The following DNAJC6 variants were observed in gnomAD, a reference collection of about 807,000 sequenced individuals.
DNAJC6 encodes DnaJ heat shock protein family (Hsp40) member C6.
In DNAJC6, 34 loss-of-function variants were observed where a neutral mutation model predicts 110.0. That is an observed-to-expected ratio of 0.31 (90% confidence interval 0.24 to 0.41). The LOEUF (loss-of-function observed/expected upper bound fraction) is 0.41. DNAJC6 is among the 10% of genes least tolerant of loss of function. DNAJC6 has a pLI of 1.00. For synonymous variants in DNAJC6, 406 were observed against 437.2 expected (o/e 0.93, Z 0.89); for missense variants, 1,031 against 1,207.8 (o/e 0.85, Z 2.17).
At chr1:65,379,762 G>A (rs1645800562) in intron 5 of DNAJC6, 2 of 428,838 alleles carry the variant, frequency 4.7e-6, no homozygotes, top group South Asian at 7.9e-5. Context: ...GGGGACTCTA[G>A]AATGTGCTAA....
At chr1:65,364,583 G>C (rs1422511733) in intron 1 of DNAJC6, 52 bp from the exon 2 acceptor site, 1 of 1,565,082 alleles carries the variant, frequency 6.4e-7, no homozygotes, top group African/African-American at 1.4e-5. Context: ...GTTTTCCGTG[G>C]ATTCTCTGCC....
chr1:65,342,459 T>C (rs775154600), intron 1 of DNAJC6, among the ~76,000 whole-genome samples: 1 of 152,160 alleles, frequency 6.6e-6, no homozygotes, highest in Non-Finnish European at 1.5e-5. Context: ...CTTCTACGAA[T>C]AAAGAAGTGG....
rs757747145 is a variant in DNAJC6, at chr1:65,401,849, T to G, written c.2196T>G (p.Thr732=). ...GTPTHQSKPQ[T]LDPFADLGTL... ...CCACCCATCAAAGCAAACCCCAGAC[T>G]CTGGATCCTTTTGCCGACCTTGGGA... Residue 732 remains threonine, a synonymous_variant, in exon 15 of 19, where the codon ACT becomes ACG. Coordinates refer to ENST00000371069, the MANE Select transcript of DNAJC6 (RefSeq NM_001256864.2). The G allele has an allele frequency of 4.3e-6, 7 of 1,613,710 alleles. No homozygotes were observed. The highest frequency in any genetic ancestry group is 5.1e-6 in the Non-Finnish European group (6 of 1,179,926).
At chr1:65,335,495 A>G (rs1161540146) in intron 1 of DNAJC6, among the ~76,000 whole-genome samples, 1 of 152,146 alleles carries the variant, frequency 6.6e-6, no homozygotes, top group Non-Finnish European at 1.5e-5. Flanking sequence ...AAGAGCCGTG[A>G]AGAAAAAAGA....
chr1:65,323,683 C>T (rs1645216055), intron 1 of DNAJC6, among the ~76,000 whole-genome samples: 1 of 151,894 alleles, frequency 6.6e-6, no homozygotes, highest in Non-Finnish European at 1.5e-5. Flanking sequence ...GCAACCTTCA[C>T]CTCCTGGGGT....
chr1:65,371,563 T>C (rs1162867144), intron 4 of DNAJC6, among the ~76,000 whole-genome samples: 1 of 152,236 alleles, frequency 6.6e-6, no homozygotes, highest in Non-Finnish European at 1.5e-5. Flanking sequence ...CATAAAACAC[T>C]AGATGTAGCA....
upstream of DNAJC6, among the ~76,000 whole-genome samples, chr1:65,307,018 C>CTCTCTATATATATATATATA (rs1465563773): frequency 1.4e-5 from 1 of 70,704 alleles, no homozygotes; most frequent in African/African-American, 5.3e-5. Flanking sequence ...CTCTCTCTCT[C>CTCTCTATATATATATATATA]TATATATATA....
intron 6 of DNAJC6, 53 bp from the exon 7 acceptor site, chr1:65,385,659 C>A: frequency 8.7e-6 from 12 of 1,376,818 alleles, no homozygotes; most frequent in Non-Finnish European, 1.1e-5. Flanking sequence ...ATATTGATTG[C>A]TTGCTTCTCC....
chr1:65,357,530 T>A (rs1439549517), intron 1 of DNAJC6, among the ~76,000 whole-genome samples: 4 of 152,186 alleles, frequency 2.6e-5, no homozygotes, highest in African/African-American at 7.2e-5. Flanking sequence ...TTGCTGCCCA[T>A]CTCCTCCCTG....
intron 1 of DNAJC6, among the ~76,000 whole-genome samples, chr1:65,343,891 G>A (rs1645412494): frequency 6.6e-6 from 1 of 152,202 alleles, no homozygotes; most frequent in South Asian, 2.1e-4. Flanking sequence ...GCCACAGTGT[G>A]TAAGTGCTGT....
chr1:65,278,315 G>C (rs1330187935), intron 1 of DNAJC6, among the ~76,000 whole-genome samples: 3 of 152,138 alleles, frequency 2.0e-5, no homozygotes, highest in Non-Finnish European at 4.4e-5. Context: ...AAATGATCAG[G>C]GAAATTAAAT....
At chr1:65,324,074 T>C (rs1319136254) in intron 1 of DNAJC6, among the ~76,000 whole-genome samples, 2 of 152,236 alleles carry the variant, frequency 1.3e-5, no homozygotes, top group Admixed American at 1.3e-4. Flanking sequence ...TCCTGAGGTT[T>C]CTTCAAGGTG....
At chr1:65,401,060 A>G (rs949321187) in intron 14 of DNAJC6, among the ~76,000 whole-genome samples, 1 of 151,944 alleles carries the variant, frequency 6.6e-6, no homozygotes, top group Non-Finnish European at 1.5e-5. Context: ...CATTTCTATG[A>G]TGATTAGTGT....
At chr1:65,330,820 T>G (rs889815489) in intron 1 of DNAJC6, among the ~76,000 whole-genome samples, 3 of 152,226 alleles carry the variant, frequency 2.0e-5, no homozygotes, top group African/African-American at 7.2e-5. Flanking sequence ...GGATGTTGTA[T>G]AAAGTAGCTA....
chr1:65,307,861 T>C (rs924852404), upstream of DNAJC6, among the ~76,000 whole-genome samples: 3 of 152,210 alleles, frequency 2.0e-5, no homozygotes, highest in African/African-American at 7.2e-5. Flanking sequence ...GATTGTTTGA[T>C]CTTGTTATAA....
At chr1:65,311,725 C>T (rs2101370443) in intron 1 of DNAJC6, among the ~76,000 whole-genome samples, 1 of 152,152 alleles carries the variant, frequency 6.6e-6, no homozygotes, top group African/African-American at 2.4e-5. Context: ...CAAACATATT[C>T]CAAATGAGTG....
In DNAJC6 at chr1:65,365,922, T is replaced by G. The variant is rs1645641797; in HGVS notation, c.382T>G (p.Ser128Ala). The G allele has an allele frequency of 1.2e-6, 2 of 1,613,458 alleles. No individual in the cohort carries two copies. The highest frequency in any genetic ancestry group is 2.7e-5 in the African/African-American group (2 of 74,900). Reference sequence around the variant, plus strand: ...AGATTTAGACTTCACTTATGTTACCTCCAGAATTATTGGTAAGTTTCTCAT... The same window carrying G: ...AGATTTAGACTTCACTTATGTTACCGCCAGAATTATTGGTAAGTTTCTCAT... ...KGDLDFTYVT[S>A]RIIVMSFPLD... The change falls in exon 3 of 19, where the codon TCC (serine) becomes GCC (alanine). Residue 128 changes from serine (S) to alanine (A), a missense_variant. Coordinates refer to ENST00000371069, the MANE Select transcript of DNAJC6 (RefSeq NM_001256864.2).
intron 1 of DNAJC6, among the ~76,000 whole-genome samples, chr1:65,351,806 C>T (rs1017677860): frequency 5.3e-5 from 8 of 152,096 alleles, no homozygotes; most frequent in African/African-American, 1.9e-4. Flanking sequence ...GCTCTTGTTG[C>T]CCAGGCTGGA....
chr1:65,409,191 T>A (rs7536558), intron 17 of DNAJC6, among the ~76,000 whole-genome samples: 93,281 of 152,010 alleles, frequency 0.61, 30,698 homozygotes, highest in African/African-American at 0.86. Flanking sequence ...CCATCACCTC[T>A]GGAGTTAGAA....
Sources: allele counts gnomAD v4.1 joint callset (sites outside exome capture counted in the v4.1 genomes callset), GRCh38; gene constraint gnomAD v4.1.1; transcripts MANE v1.5; gene names NCBI Gene and HGNC (gene_info 2026-07-23, HGNC 2026-07-21).